Variants in MYOM1 observed in about 807,000 individuals in gnomAD.
MYOM1 encodes myomesin-1.
A neutral mutation model predicts 205.3 loss-of-function variants in MYOM1; 164 were observed. The ratio of observed to expected loss-of-function variants is 0.80; its 90% CI spans 0.70 to 0.91. The LOEUF is 0.91. MYOM1 is among the 40% of genes least tolerant of loss of function. The pLI is 0.00. For missense variants in MYOM1, 2,011 were observed against 2,127.3 expected, an observed-to-expected ratio of 0.95 and a Z score of 1.08; for synonymous variants, 772 against 789.4, an observed-to-expected ratio of 0.98 and a Z score of 0.37.
At position 3,078,973 on chromosome 18, in the gene MYOM1, C is replaced by CTTT. The variant is rs11408756; in HGVS notation, c.4648+203_4648+205dup. ...AGGTGTGTGCCACTTTACCCAGCTACTTTTTTTTTTTTTTTTTTTTTTAGA... is the reference window on the plus strand; with the variant it reads ...AGGTGTGTGCCACTTTACCCAGCTACTTTTTTTTTTTTTTTTTTTTTTTTTAGA... On this transcript the variant is annotated intron_variant, in intron 34 of 37. Transcript: ENST00000356443. Among the ~76,000 whole-genome samples, 54 of 105,832 alleles carry CTTT rather than the reference C, an allele frequency of 5.1e-4. 1 individual carries two copies. Among genetic ancestry groups the CTTT allele is most frequent in the South Asian group, 1.0e-3 (3 of 2,966 alleles). The allele number at this position is 105,832 out of a possible 152,430, so 69.4% of individuals were successfully genotyped here. A position where few individuals can be genotyped will look rare whatever the true frequency, so the allele number is the denominator to read the frequency against.
At chr18:3,101,481 T>A (rs2079374713) in intron 23 of MYOM1, among the ~76,000 whole-genome samples, 2 of 152,216 alleles carry the variant, frequency 1.3e-5, no homozygotes, top group Admixed American at 1.3e-4. Context: ...CCGAGGTTTA[T>A]GGAAGTTAAA....
At chr18:3,156,488 A>G (rs2080303619) in intron 10 of MYOM1, among the ~76,000 whole-genome samples, 1 of 152,250 alleles carries the variant, frequency 6.6e-6, no homozygotes, top group Non-Finnish European at 1.5e-5. Flanking sequence ...ATCTAGGCAA[A>G]TATCTCCTGC....
At chr18:3,212,530 T>A (rs1247984558) in intron 2 of MYOM1, among the ~76,000 whole-genome samples, 2 of 152,222 alleles carry the variant, frequency 1.3e-5, no homozygotes, top group African/African-American at 4.8e-5. Context: ...TATAAAATTT[T>A]GCAATAGAGT....
At chr18:3,084,736 A>T (rs942336598) in intron 31 of MYOM1, among the ~76,000 whole-genome samples, 1 of 152,212 alleles carries the variant, frequency 6.6e-6, no homozygotes, top group African/African-American at 2.4e-5. Context: ...CATGCTTCTC[A>T]CAGAAGTTTT....
chr18:3,229,734 T>A, the MYOM1 span, among the ~76,000 whole-genome samples: 2 of 151,806 alleles, frequency 1.3e-5, no homozygotes, highest in African/African-American at 4.8e-5. Flanking sequence ...CTTTGGGAGG[T>A]CAAGGCATGC....
chr18:3,143,886 G>A (rs557423875), intron 13 of MYOM1, among the ~76,000 whole-genome samples: 154 of 117,354 alleles, frequency 1.3e-3, no homozygotes, highest in African/African-American at 4.5e-3. Context: ...GGGCAACAGA[G>A]TGAGACCCTG....
intron 25 of MYOM1, among the ~76,000 whole-genome samples, chr18:3,097,465 C>T (rs1260335135): frequency 6.6e-6 from 1 of 152,046 alleles, no homozygotes; most frequent in East Asian, 1.9e-4. Flanking sequence ...ACTCTGTCAC[C>T]CAGGCTGAAG....
At chr18:3,194,101 T>A in intron 2 of MYOM1, 143 bp from the exon 3 acceptor site, 1 of 860,148 alleles carries the variant, frequency 1.2e-6, no homozygotes, top group Non-Finnish European at 1.7e-6. Flanking sequence ...TCTTTAGAAT[T>A]AAAGTAGAGT....
chr18:3,175,918 A>G (rs1329012852), intron 6 of MYOM1, 124 bp downstream of exon 6: 19 of 640,834 alleles, frequency 3.0e-5, no homozygotes. Context: ...AGCACCGTAT[A>G]CGAATGTCCC....
At chr18:3,069,425 A>G (rs1169341124) in intron 37 of MYOM1, among the ~76,000 whole-genome samples, 1 of 152,218 alleles carries the variant, frequency 6.6e-6, no homozygotes, top group Non-Finnish European at 1.5e-5. Context: ...ACCCATCTAC[A>G]TAGCTTTCTA....
At chr18:3,197,842 TGG>T (rs1567964239) in intron 2 of MYOM1, among the ~76,000 whole-genome samples, 5 of 151,738 alleles carry the variant, frequency 3.3e-5, no homozygotes, top group Non-Finnish European at 7.4e-5. Flanking sequence ...CACTGCACTC[TGG>T]CCTGGGTGAC....
chr18:3,154,699 TTATATGTATGTGTA>T (rs1433789853), intron 11 of MYOM1, among the ~76,000 whole-genome samples: 2 of 151,614 alleles, frequency 1.3e-5, no homozygotes, highest in African/African-American at 4.8e-5. Context: ...GTAGGTACCA[TTATATGTATGTGTA>T]TATATGTATG....
intron 1 of MYOM1, 47 bp from the exon 2 acceptor site, chr18:3,215,298 C>T: frequency 7.2e-7 from 1 of 1,385,950 alleles, no homozygotes; most frequent in Non-Finnish European, 9.8e-7. Flanking sequence ...GGAACAAATT[C>T]CATAGACCAA....
At chr18:3,224,177 C>T (rs540654429), upstream of MYOM1, among the ~76,000 whole-genome samples, 26 of 152,128 alleles carry the variant, frequency 1.7e-4, no homozygotes, top group African/African-American at 3.9e-4. Context: ...TACAGGCGCC[C>T]GCCTTGTCAC....
rs998902788 is a variant in MYOM1 at position 3,108,987 on chromosome 18, C to CT, written c.3418+3310dup. Among the ~76,000 whole-genome samples the CT allele has an allele frequency of 7.9e-3, 1,106 of 140,798 alleles. 14 individuals are homozygous for CT. The highest frequency in any genetic ancestry group is 0.024 in the African/African-American group (914 of 38,696). The allele number at this position is 140,798 out of a possible 152,430, so 92.4% of individuals were successfully genotyped here. ...CCTCAAATTTTCCTTTTTCTTTTTC[C>CT]TTTTTTTTTTTGAGATGGAGTCTTG... On this transcript the variant is annotated intron_variant, in intron 22 of 37. Coordinates refer to ENST00000356443, the MANE Select transcript of MYOM1 (RefSeq NM_003803.4).
Position 3,119,863 on chromosome 18 carries a change from G to A in MYOM1, c.3118+6C>T. 6.3e-7 allele frequency: 1 copy of A among 1,599,604 alleles called. No individual in the cohort carries two copies. Among genetic ancestry groups the A allele is most frequent in the Non-Finnish European group, 8.5e-7 (1 of 1,171,088 alleles). Reference sequence around the variant, plus strand: ...TGCGGTGTGGAGGCAGGTGTCTGTGGTTTACCTGGGACGGCGATGGTCCAC... The same window carrying A: ...TGCGGTGTGGAGGCAGGTGTCTGTGATTTACCTGGGACGGCGATGGTCCAC... On this transcript the variant is annotated splice_donor_region_variant and intron_variant, in intron 20 of 37. Coordinates refer to ENST00000356443, the MANE Select transcript of MYOM1 (RefSeq NM_003803.4).
At chr18:3,204,048 A>G (rs2081100971) in intron 2 of MYOM1, among the ~76,000 whole-genome samples, 1 of 151,996 alleles carries the variant, frequency 6.6e-6, no homozygotes, top group Non-Finnish European at 1.5e-5. Context: ...CATTTGACAA[A>G]AGTCAGCATT....
intron 19 of MYOM1, among the ~76,000 whole-genome samples, chr18:3,121,454 A>G (rs58564720): frequency 0.14 from 21,768 of 152,194 alleles, 1,776 homozygotes; most frequent in East Asian, 0.32. Context: ...CAGCGGCAAC[A>G]ATGGGCCAGA....
intron 17 of MYOM1, 113 bp downstream of exon 17, chr18:3,131,262 T>G: frequency 2.5e-6 from 3 of 1,198,492 alleles, no homozygotes; most frequent in South Asian, 3.0e-5. Flanking sequence ...CATCTAAGGA[T>G]GCAATCATCC....
Sources: gnomAD v4.1 joint callset for allele counts (sites outside exome capture counted in the v4.1 genomes callset) on GRCh38, gnomAD v4.1.1 for gene constraint, MANE v1.5 for transcripts, NCBI Gene and HGNC (gene_info 2026-07-23, HGNC 2026-07-21) for gene names.